CSMD1: variants seen among roughly 807,000 people sequenced by gnomAD.
CSMD1 encodes the protein CUB and Sushi multiple domains 1.
Under a neutral mutation model 417.5 loss-of-function variants are expected in CSMD1, and 213 were observed. The observed-to-expected ratio is 0.51, with a 90% CI of 0.46 to 0.57. The LOEUF (loss-of-function observed/expected upper bound fraction) is 0.57. Ranked by LOEUF, CSMD1 falls within the 20% of genes least tolerant of loss-of-function variation. CSMD1 has a pLI of 0.00. For missense variants in CSMD1, 6,923 were observed against 4,529.7 expected, an observed-to-expected ratio of 1.53 and a Z score of -15.17; for synonymous variants, 2,862 against 1,736.8, an observed-to-expected ratio of 1.65 and a Z score of -16.11.
chr8:4,691,641 C>G (rs1584950938), intron 1 of CSMD1, among the ~76,000 whole-genome samples: 1 of 152,208 alleles, frequency 6.6e-6, no homozygotes, highest in South Asian at 2.1e-4. Flanking sequence ...CTATGCCTGT[C>G]ATGTCTGCCT....
chr8:3,807,189 T>G (rs3109668), intron 5 of CSMD1, among the ~76,000 whole-genome samples: 2 of 152,182 alleles, frequency 1.3e-5, no homozygotes, highest in Non-Finnish European at 2.9e-5. Flanking sequence ...CCTTCTAAAA[T>G]GGAAATTTTC....
chr8:3,338,251 C>T (rs567648897), intron 23 of CSMD1, among the ~76,000 whole-genome samples: 7 of 152,196 alleles, frequency 4.6e-5, no homozygotes, highest in Admixed American at 1.3e-4. Flanking sequence ...CTGGCATCCA[C>T]GCCTCTATGC....
intron 2 of CSMD1, among the ~76,000 whole-genome samples, chr8:4,454,210 C>T (rs1237149226): frequency 1.3e-5 from 2 of 152,116 alleles, no homozygotes; most frequent in South Asian, 2.1e-4. Context: ...CTCCGTGTCT[C>T]CTTATCCACC....
chr8:3,902,725 G>A (rs1807839107), intron 5 of CSMD1, among the ~76,000 whole-genome samples: 1 of 151,990 alleles, frequency 6.6e-6, no homozygotes, highest in South Asian at 2.1e-4. Flanking sequence ...CATGGCCCCG[G>A]GATTAGAGAC....
intron 1 of CSMD1, among the ~76,000 whole-genome samples, chr8:4,717,328 C>CAT (rs753262975): frequency 1.5e-5 from 1 of 65,744 alleles, no homozygotes; most frequent in African/African-American, 1.4e-4. Flanking sequence ...TATATATATA[C>CAT]ACACACACAC....
intron 2 of CSMD1, among the ~76,000 whole-genome samples, chr8:4,495,840 G>C (rs549835200): frequency 1.3e-5 from 2 of 152,164 alleles, no homozygotes; most frequent in African/African-American, 4.8e-5. Flanking sequence ...ACAAATATTA[G>C]AATTATTAAT....
chr8:3,424,866 G>T (rs1321138120), intron 12 of CSMD1, among the ~76,000 whole-genome samples: 1 of 152,100 alleles, frequency 6.6e-6, no homozygotes, highest in African/African-American at 2.4e-5. Flanking sequence ...TTGAGACAGG[G>T]TCTTACTCTG....
intron 37 of CSMD1, among the ~76,000 whole-genome samples, chr8:3,167,553 G>T (rs909989817): frequency 2.0e-5 from 3 of 152,298 alleles, no homozygotes; most frequent in African/African-American, 7.2e-5. Context: ...ATTATCCACT[G>T]ATACATTTTG....
intron 3 of CSMD1, among the ~76,000 whole-genome samples, chr8:4,087,953 C>G (rs972818487): frequency 4.6e-5 from 7 of 152,080 alleles, no homozygotes; most frequent in South Asian, 2.1e-4. Flanking sequence ...AGGCTAAGAA[C>G]GGTGGTATCC....
chr8:4,796,323 C>G (rs925260707), intron 1 of CSMD1, among the ~76,000 whole-genome samples: 1 of 152,002 alleles, frequency 6.6e-6, no homozygotes, highest in African/African-American at 2.4e-5. Flanking sequence ...TGACAAGCGA[C>G]CAACGTGATG....
intron 3 of CSMD1, among the ~76,000 whole-genome samples, chr8:4,286,930 GA>G (rs1797091099): frequency 6.6e-6 from 1 of 152,126 alleles, no homozygotes; most frequent in Admixed American, 6.5e-5. Context: ...TTTGTTATTG[GA>G]TAGGAGTCAA....
chr8:3,694,614 C>G (rs778671083), intron 7 of CSMD1, among the ~76,000 whole-genome samples: 11 of 151,852 alleles, frequency 7.2e-5, no homozygotes, highest in Non-Finnish European at 7.4e-5. Flanking sequence ...AAGGAAGGAC[C>G]CAGCCCTGGG....
rs73500669 is a variant in CSMD1 at position 4,288,307 on chromosome 8, G to A, written c.415+131646C>T. Among the ~76,000 whole-genome samples the A allele has an allele frequency of 2.5e-3, 373 of 152,110 alleles. 2 individuals carry two copies. The highest frequency in any genetic ancestry group is 8.7e-3 in the African/African-American group (361 of 41,520). Reference sequence around the variant, plus strand: ...CTCCCTTTCCTAAGGTACTATTTTTGGGGCCACCCTGAAGGGCTCCCTTCA... The same window carrying A: ...CTCCCTTTCCTAAGGTACTATTTTTAGGGCCACCCTGAAGGGCTCCCTTCA... On this transcript the variant is annotated intron_variant, in intron 3 of 69. Coordinates refer to ENST00000635120, the MANE Select transcript of CSMD1 (RefSeq NM_033225.6).
intron 1 of CSMD1, among the ~76,000 whole-genome samples, chr8:4,895,187 A>T (rs1372870453): frequency 6.6e-6 from 1 of 152,224 alleles, no homozygotes; most frequent in Non-Finnish European, 1.5e-5. Flanking sequence ...AGAAGGTTCA[A>T]TAATAACAAA....
At chr8:3,786,013 T>C (rs754883717) in intron 5 of CSMD1, among the ~76,000 whole-genome samples, 16 of 151,994 alleles carry the variant, frequency 1.1e-4, no homozygotes, top group Non-Finnish European at 2.1e-4. Flanking sequence ...CTGGTGGGCA[T>C]TGGGGTGAAG....
intron 3 of CSMD1, among the ~76,000 whole-genome samples, chr8:4,368,576 A>T (rs1474144148): frequency 2.6e-5 from 4 of 152,238 alleles, no homozygotes; most frequent in African/African-American, 9.6e-5. Flanking sequence ...CATCTGGTAA[A>T]ATTCGGCTTT....
chr8:3,996,148 T>C (rs750965998), intron 5 of CSMD1, among the ~76,000 whole-genome samples: 3 of 152,004 alleles, frequency 2.0e-5, no homozygotes, highest in Admixed American at 1.3e-4. Flanking sequence ...CCACTGATCA[T>C]AGGTTCTAGA....
chr8:3,509,629 A>G (rs75685445), intron 10 of CSMD1, among the ~76,000 whole-genome samples: 11,578 of 152,300 alleles, frequency 0.076, 524 homozygotes, highest in East Asian at 0.13. Flanking sequence ...AATCTGGGAA[A>G]GGGAAGAAGC....
chr8:4,546,969 A>C (rs1356200851), intron 2 of CSMD1, among the ~76,000 whole-genome samples: 2 of 152,068 alleles, frequency 1.3e-5, no homozygotes, highest in African/African-American at 4.8e-5. Context: ...CACGTACATG[A>C]AGTAGGCATC....
Sources: allele counts gnomAD v4.1 joint callset (sites outside exome capture counted in the v4.1 genomes callset), GRCh38; gene constraint gnomAD v4.1.1; transcripts MANE v1.5; gene names NCBI Gene and HGNC (gene_info 2026-07-23, HGNC 2026-07-21).